Variants in SAMD12 observed in about 807,000 individuals in gnomAD.
SAMD12 encodes the protein sterile alpha motif domain containing 12, also known as sterile alpha motif domain-containing protein 12.
In SAMD12, 9 loss-of-function variants were observed where a neutral mutation model predicts 15.0. The ratio of observed to expected loss-of-function variants is 0.60; its 90% CI spans 0.36 to 1.05. The LOEUF (loss-of-function observed/expected upper bound fraction) is 1.05, where lower values mean the gene tolerates loss of function less well. Among genes scored for constraint, SAMD12 ranks in the 50% least tolerant of loss-of-function variants. The pLI is 0.01. For missense variants in SAMD12, 230 were observed against 234.2 expected (o/e 0.98, Z 0.12); for synonymous variants, 86 against 90.1 (o/e 0.96, Z 0.25).
chr8:118,472,736 T>G (rs1823837041), intron 2 of SAMD12, among the ~76,000 whole-genome samples: 1 of 151,942 alleles, frequency 6.6e-6, no homozygotes, highest in African/African-American at 2.4e-5. Context: ...TATTCAGTGG[T>G]TTTCCACTGG....
chr8:118,614,058 T>G (rs1276945277), intron 1 of SAMD12, among the ~76,000 whole-genome samples: 1 of 152,232 alleles, frequency 6.6e-6, no homozygotes, highest in Non-Finnish European at 1.5e-5. Context: ...TTCTTCCAAC[T>G]CTGATAACCT....
At chr8:118,437,642 C>A (rs547701194) in intron 3 of SAMD12, among the ~76,000 whole-genome samples, 4 of 152,012 alleles carry the variant, frequency 2.6e-5, no homozygotes, top group African/African-American at 9.7e-5. Flanking sequence ...AGCAGCTTGC[C>A]CAAGATCCCA....
chr8:118,311,547 T>C (rs367718869), intron 4 of SAMD12, among the ~76,000 whole-genome samples: 1 of 152,202 alleles, frequency 6.6e-6, no homozygotes, highest in East Asian at 1.9e-4. Flanking sequence ...ATGCTAGGCT[T>C]ATCCAAAGTT....
chr8:118,132,970 G>GTATATATATA, the SAMD12 span, among the ~76,000 whole-genome samples: 1 of 67,526 alleles, frequency 1.5e-5, no homozygotes, highest in South Asian at 5.8e-4. Flanking sequence ...ATGTGTGTGT[G>GTATATATATA]TGTATATATA....
At chr8:118,610,696 A>G (rs1239038780) in intron 1 of SAMD12, among the ~76,000 whole-genome samples, 1 of 152,236 alleles carries the variant, frequency 6.6e-6, no homozygotes, top group East Asian at 1.9e-4. Context: ...GGCACTGCTG[A>G]TAGATTAGAG....
chr8:118,265,706 T>C (rs1813180212), intron 4 of SAMD12, among the ~76,000 whole-genome samples: 1 of 151,770 alleles, frequency 6.6e-6, no homozygotes, highest in East Asian at 1.9e-4. Flanking sequence ...AGACTTATAA[T>C]AGGCTCATGG....
chr8:118,264,921 C>T (rs939197181), intron 4 of SAMD12, among the ~76,000 whole-genome samples: 3 of 152,136 alleles, frequency 2.0e-5, no homozygotes, highest in African/African-American at 7.2e-5. Flanking sequence ...ATGGTGACTG[C>T]GAGTTCTCTT....
chr8:118,297,945 T>C (rs1394172395), intron 4 of SAMD12, among the ~76,000 whole-genome samples: 1 of 152,138 alleles, frequency 6.6e-6, no homozygotes, highest in Non-Finnish European at 1.5e-5. Flanking sequence ...AAAAAATGAA[T>C]GTGGGAAAGC....
chr8:118,144,589 T>G, the SAMD12 span, among the ~76,000 whole-genome samples: 1 of 151,856 alleles, frequency 6.6e-6, no homozygotes, highest in East Asian at 1.9e-4. Flanking sequence ...ACATTTTTAT[T>G]AATAAAATTA....
At chr8:118,509,290 A>T (rs1473759029) in intron 2 of SAMD12, among the ~76,000 whole-genome samples, 7 of 152,206 alleles carry the variant, frequency 4.6e-5, no homozygotes, top group African/African-American at 1.7e-4. Context: ...ATATTATTTA[A>T]CTTTCAAGGT....
intron 2 of SAMD12, among the ~76,000 whole-genome samples, chr8:118,530,578 T>C (rs1825658212): frequency 6.6e-6 from 1 of 152,212 alleles, no homozygotes; most frequent in Non-Finnish European, 1.5e-5. Context: ...TTGTTTGAGT[T>C]CCCTATAAGC....
chr8:118,269,783 G>T (rs928699631), intron 4 of SAMD12, among the ~76,000 whole-genome samples: 3 of 152,104 alleles, frequency 2.0e-5, no homozygotes, highest in Admixed American at 1.3e-4. Context: ...TTTTATTCCA[G>T]TTAGCAAGAA....
At chr8:118,606,274 T>C (rs914230863) in intron 1 of SAMD12, among the ~76,000 whole-genome samples, 1 of 152,172 alleles carries the variant, frequency 6.6e-6, no homozygotes, top group East Asian at 1.9e-4. Context: ...CTTCCAATCA[T>C]GGCAGCAATG....
chr8:118,595,793 C>T (rs192583595), intron 1 of SAMD12, among the ~76,000 whole-genome samples: 4 of 152,342 alleles, frequency 2.6e-5, no homozygotes, highest in Admixed American at 2.0e-4. Context: ...AAACTCCTCC[C>T]TCTTTTCCTC....
chr8:118,418,568 A>C (rs1821833291), intron 3 of SAMD12, among the ~76,000 whole-genome samples: 1 of 152,048 alleles, frequency 6.6e-6, no homozygotes, highest in African/African-American at 2.4e-5. Flanking sequence ...AAATACAAAA[A>C]ATTAGCAGAG....
At chr8:118,613,144 A>G (rs1828147867) in intron 1 of SAMD12, among the ~76,000 whole-genome samples, 1 of 152,216 alleles carries the variant, frequency 6.6e-6, no homozygotes, top group Non-Finnish European at 1.5e-5. Flanking sequence ...ACAAGACTAT[A>G]CATTTACCAA....
chr8:118,167,260 G>T, the SAMD12 span, among the ~76,000 whole-genome samples: 4 of 152,008 alleles, frequency 2.6e-5, no homozygotes, highest in Non-Finnish European at 4.4e-5. Context: ...AGACTCAGAG[G>T]TTAGTGGCTT....
At chr8:118,277,595 A>C (rs1468503281) in intron 4 of SAMD12, among the ~76,000 whole-genome samples, 1 of 152,018 alleles carries the variant, frequency 6.6e-6, no homozygotes, top group Non-Finnish European at 1.5e-5. Context: ...AAAAAAAAAA[A>C]AGAAAGCAGA....
chr8:118,183,784 G>A, the SAMD12 span, among the ~76,000 whole-genome samples: 1 of 152,080 alleles, frequency 6.6e-6, no homozygotes, highest in Non-Finnish European at 1.5e-5. Context: ...CCCAAGTAGT[G>A]TACATTGTAC....
Sources: gnomAD v4.1 joint callset for allele counts (sites outside exome capture counted in the v4.1 genomes callset) on GRCh38, gnomAD v4.1.1 for gene constraint, MANE v1.5 for transcripts, NCBI Gene and HGNC (gene_info 2026-07-23, HGNC 2026-07-21) for gene names.